DSCAML1: variants seen among roughly 807,000 people sequenced by gnomAD.
DSCAML1 encodes the protein DS cell adhesion molecule like 1, also known as cell adhesion molecule DSCAML1.
Under a neutral mutation model 200.5 loss-of-function variants are expected in DSCAML1, and 38 were observed. The ratio of observed to expected loss-of-function variants is 0.19; its 90% CI spans 0.15 to 0.25. The LOEUF (loss-of-function observed/expected upper bound fraction) is 0.25, where lower values mean the gene tolerates loss of function less well. Ranked by LOEUF, DSCAML1 falls within the 10% of genes least tolerant of loss-of-function variation. DSCAML1 has a pLI of 1.00. For synonymous variants in DSCAML1, 1,215 were observed against 1,165.0 expected, an observed-to-expected ratio of 1.04 and a Z score of -0.87; for missense variants, 2,223 against 2,858.8, an observed-to-expected ratio of 0.78 and a Z score of 5.07.
chr11:117,514,470 GCTCGGGGCCATT>G, intron 8 of DSCAML1, among the ~76,000 whole-genome samples: 1 of 151,586 alleles, frequency 6.6e-6, no homozygotes, highest in Non-Finnish European at 1.5e-5. Context: ...CCTTTCCCTG[GCTCGGGGCCATT>G]CTCGGTTGGA....
rs558764140 is a variant in DSCAML1 at position 117,633,829 on chromosome 11, C to T, written c.512-101307G>A. ...CCCACCTGGTTGATTAGTGGCCCTT[C>T]GTGTCCTCCAGACTTTGATGCCTGC... On this transcript the variant is annotated intron_variant, in intron 3 of 32. Transcript: ENST00000651296. Among the ~76,000 whole-genome samples the T allele has an allele frequency of 6.8e-4, 104 of 152,284 alleles. 1 individual carries two copies. Among genetic ancestry groups the T allele is most frequent in the Admixed American group, 1.8e-3 (27 of 15,296 alleles).
intron 3 of DSCAML1, among the ~76,000 whole-genome samples, chr11:117,769,294 AT>A (rs1364310828): frequency 0.012 from 38 of 3,164 alleles, 9 homozygotes; most frequent in African/African-American, 0.013. Context: ...TATTTTATAT[AT>A]TTATATATAT....
chr11:117,618,891 C>T (rs2051866659), intron 3 of DSCAML1, among the ~76,000 whole-genome samples: 1 of 152,174 alleles, frequency 6.6e-6, no homozygotes, highest in African/African-American at 2.4e-5. Flanking sequence ...GCCACTACCG[C>T]TCACTGGGGG....
chr11:117,717,353 C>T (rs946813242), intron 3 of DSCAML1, among the ~76,000 whole-genome samples: 3 of 152,152 alleles, frequency 2.0e-5, no homozygotes, highest in African/African-American at 4.8e-5. Context: ...TCTCCCCGCC[C>T]CTGCCTCAAA....
rs766635774 is a variant in DSCAML1, at chr11:117,472,016, A to G, written c.2806T>C (p.Ser936Pro). ...NKSDSWDFKQ[S>P]TRNISPTINQ... ...ATGGTGGGGGAGATGTTGCGTGTGG[A>G]CTGCTTGAAGTCCCAGGAATCTGGA... is the stretch of plus-strand genomic sequence containing the variant. Residue 936 changes from serine (S) to proline (P), a missense_variant, in exon 15 of 33, where the codon TCC becomes CCC. Coordinates refer to ENST00000651296, the MANE Select transcript of DSCAML1 (RefSeq NM_020693.4). The G allele has an allele frequency of 6.2e-7, 1 of 1,614,072 alleles. No individual in the cohort carries two copies. The highest frequency in any genetic ancestry group is 1.7e-5 in the Admixed American group (1 of 60,026).
At chr11:117,769,135 TTATATATTATATATATTTTA>T (rs2054953802) in intron 3 of DSCAML1, among the ~76,000 whole-genome samples, 9 of 123,978 alleles carry the variant, frequency 7.3e-5, no homozygotes, top group Non-Finnish European at 6.4e-5. Context: ...ATTATGTATA[TTATATATTATATATATTTTA>T]TATATATTAT....
At chr11:117,517,923 T>C (rs2049806725) in intron 7 of DSCAML1, among the ~76,000 whole-genome samples, 1 of 152,180 alleles carries the variant, frequency 6.6e-6, no homozygotes, top group East Asian at 1.9e-4. Context: ...CCTCTTACTC[T>C]TGATGGTGTG....
At chr11:117,473,656 A>T (rs1379627672) in intron 14 of DSCAML1, among the ~76,000 whole-genome samples, 19 of 152,222 alleles carry the variant, frequency 1.2e-4, no homozygotes. Flanking sequence ...CAGGCTTAGC[A>T]TCTGTGAAGG....
chr11:117,751,654 C>T (rs1013223256), intron 3 of DSCAML1, among the ~76,000 whole-genome samples: 11 of 151,994 alleles, frequency 7.2e-5, no homozygotes, highest in African/African-American at 2.4e-4. Context: ...CTGAAGCTGC[C>T]GAGCCAGCAA....
intron 3 of DSCAML1, among the ~76,000 whole-genome samples, chr11:117,603,629 G>A (rs1311739666): frequency 6.6e-6 from 1 of 152,152 alleles, no homozygotes; most frequent in Admixed American, 6.5e-5. Flanking sequence ...ATGTCATAAA[G>A]GTAATATAGC....
At chr11:117,737,045 G>A (rs757854507) in intron 3 of DSCAML1, among the ~76,000 whole-genome samples, 41 of 152,316 alleles carry the variant, frequency 2.7e-4, no homozygotes, top group Middle Eastern at 3.4e-3. Flanking sequence ...GCTATACACA[G>A]TGTGGGTATC....
chr11:117,599,846 T>G (rs895081100), intron 3 of DSCAML1, among the ~76,000 whole-genome samples: 1 of 152,102 alleles, frequency 6.6e-6, no homozygotes, highest in African/African-American at 2.4e-5. Flanking sequence ...TAAAGCCCAG[T>G]TTAGCATCCG....
chr11:117,638,549 C>T (rs1174883439), intron 3 of DSCAML1, among the ~76,000 whole-genome samples: 1 of 152,128 alleles, frequency 6.6e-6, no homozygotes, highest in African/African-American at 2.4e-5. Context: ...AACAGCCTAC[C>T]CCATTCCCCC....
chr11:117,438,386 A>T (rs80024804), intron 24 of DSCAML1, among the ~76,000 whole-genome samples: 1,802 of 152,030 alleles, frequency 0.012, 36 homozygotes, highest in African/African-American at 0.04. Context: ...AGGGGAGAAA[A>T]CCAGAGTTGT....
intron 11 of DSCAML1, among the ~76,000 whole-genome samples, chr11:117,502,275 A>G (rs1176575531): frequency 6.6e-6 from 1 of 152,146 alleles, no homozygotes; most frequent in Non-Finnish European, 1.5e-5. Flanking sequence ...TGGAACAACT[A>G]CTTGCCACAG....
Position 117,463,811 on chromosome 11 carries a change from C to T in DSCAML1, c.3265+1131G>A, listed in dbSNP as rs557669384. Among the ~76,000 whole-genome samples the T allele has an allele frequency of 2.1e-3, 314 of 152,318 alleles. 2 individuals carry two copies. Among genetic ancestry groups the T allele is most frequent in the African/African-American group, 7.0e-3 (291 of 41,554 alleles). On this transcript the variant is annotated intron_variant, in intron 17 of 32. Transcript: ENST00000651296. This position sits in a 1 kb window ranked among gnomAD's most constrained non-coding sequence, Gnocchi z 4.0. ...CTGGGGCTATTGAAGTCGGCCCCAT[C>T]TTAAAGCCCAGCTTTTGCCCCAGAA...
intron 19 of DSCAML1, among the ~76,000 whole-genome samples, chr11:117,451,371 T>C (rs1346386458): frequency 6.6e-6 from 1 of 152,226 alleles, no homozygotes; most frequent in Non-Finnish European, 1.5e-5. Context: ...CTCTCCATTG[T>C]ATGGTTGTGT....
At chr11:117,779,724 A>G (rs7928767) in intron 2 of DSCAML1, among the ~76,000 whole-genome samples, 85,675 of 152,018 alleles carry the variant, frequency 0.56, 26,223 homozygotes, top group Non-Finnish European at 0.69. Context: ...TAAGCAAAAT[A>G]TCTACATTGT....
chr11:117,815,633 G>A (rs1565297560), intron 1 of DSCAML1, among the ~76,000 whole-genome samples: 1 of 152,026 alleles, frequency 6.6e-6, no homozygotes, highest in Non-Finnish European at 1.5e-5. Flanking sequence ...GGTGACTGGC[G>A]GCCTCCTGGG....
Sources: allele counts gnomAD v4.1 joint callset (sites outside exome capture counted in the v4.1 genomes callset), GRCh38; gene constraint gnomAD v4.1.1; non-coding constraint Gnocchi (gnomAD v3.1); transcripts MANE v1.5; gene names NCBI Gene and HGNC (gene_info 2026-07-23, HGNC 2026-07-21).